Variants in ADA observed in about 807,000 individuals in gnomAD.
The protein encoded by ADA is adenosine aminohydrolase.
ADA carries 45 observed loss-of-function variants against 49.0 expected under a neutral mutation model. The ratio of observed to expected loss-of-function variants is 0.92; its 90% CI spans 0.72 to 1.18. ADA has a LOEUF of 1.18. ADA is among the 50% of genes most tolerant of loss of function. The probability of loss-of-function intolerance (pLI) is 0.00; values close to 1 mark genes in which losing one functional copy is unlikely to be tolerated. For missense variants in ADA, 445 were observed against 472.5 expected (o/e 0.94, Z 0.54); for synonymous variants, 173 against 184.2 (o/e 0.94, Z 0.49).
intron 1 of ADA, among the ~76,000 whole-genome samples, chr20:44,644,819 C>G (rs560353131): frequency 6.6e-6 from 1 of 152,222 alleles, no homozygotes; most frequent in Non-Finnish European, 1.5e-5. Flanking sequence ...CTCCTGCTGA[C>G]GGGGCCTGAC....
intron 1 of ADA, among the ~76,000 whole-genome samples, chr20:44,639,690 G>C (rs1264906069): frequency 1.3e-5 from 2 of 152,142 alleles, no homozygotes; most frequent in Non-Finnish European, 2.9e-5. Context: ...TGGGGTTACA[G>C]GTGTGAACCA....
At chr20:44,623,991 C>T (rs2065357968) in intron 6 of ADA, 2 of 621,350 alleles carry the variant, frequency 3.2e-6, no homozygotes, top group African/African-American at 1.8e-5. Context: ...AAGCAATCCT[C>T]CTGCCTCGCC....
At chr20:44,621,400 G>C (rs2065330324) in intron 9 of ADA, among the ~76,000 whole-genome samples, 1 of 152,112 alleles carries the variant, frequency 6.6e-6, no homozygotes, top group African/African-American at 2.4e-5. Flanking sequence ...CCAGACATGG[G>C]AACCAGGCAG....
In ADA at chr20:44,629,093, G is replaced by C; in HGVS notation, c.172C>G (p.Leu58Val). Reference sequence around the variant, plus strand: ...TCAAACTTGGCCAGGAAGTCTGGAAGGGTGAGCGGCTTGTCCATGCCAATG... The same window carrying C: ...TCAAACTTGGCCAGGAAGTCTGGAACGGTGAGCGGCTTGTCCATGCCAATG... ...NVIGMDKPLT[L>V]PDFLAKFDYY... The change falls in exon 3 of 12, where the codon CTT becomes GTT. Residue 58 changes from leucine (L) to valine (V), a missense_variant. Coordinates refer to ENST00000372874, the MANE Select transcript of ADA (RefSeq NM_000022.4). The C allele has an allele frequency of 6.2e-7, 1 of 1,614,234 alleles. No homozygotes were observed.
chr20:44,620,954 C>G, intron 10 of ADA, 64 bp downstream of exon 10: 3 of 1,609,816 alleles, frequency 1.9e-6, no homozygotes, highest in Admixed American at 1.7e-5. Flanking sequence ...AGGCCCCGGA[C>G]TGGACCTGTA....
intron 2 of ADA, among the ~76,000 whole-genome samples, chr20:44,630,693 G>A (rs1716937178): frequency 6.6e-6 from 1 of 152,194 alleles, no homozygotes. Flanking sequence ...ATTAAATCAG[G>A]AGGTCCAAGC....
chr20:44,636,425 T>C lies in ADA; in HGVS notation c.34-137A>G, dbSNP rs76614082. Reference sequence around the variant, plus strand: ...AGCCACCATTTTACTGGCTGGCTGCTGACCCCATATACTTCGGTAAACTCT... The same window carrying C: ...AGCCACCATTTTACTGGCTGGCTGCCGACCCCATATACTTCGGTAAACTCT... On this transcript the variant is annotated intron_variant, in intron 1 of 11. Transcript: ENST00000372874. 4,346 of 740,654 alleles carry C rather than the reference T, an allele frequency of 5.9e-3. 132 individuals are homozygous for C. The East Asian group carries it at 0.067, about 11-fold the overall frequency. 45.9% of individuals were successfully genotyped at this position (740,654 alleles called of 1,614,324 possible).
Position 44,620,309 on chromosome 20 carries a change from T to C in ADA, c.1068A>G (p.Ser356=). The change falls in exon 11 of 12, where the codon TCA becomes TCG. Residue 356 remains serine, a synonymous_variant. Transcript: ENST00000372874. ...CAGACAGGAACCTACCTGCAGAGGC[T>C]GAAGGTGGCATCCCATAGGCTTTAT... ...LLYKAYGMPP[S]ASAGQNL 1 of 1,614,102 alleles carries C rather than the reference T, an allele frequency of 6.2e-7. No homozygotes were observed. Among genetic ancestry groups the C allele is most frequent in the Non-Finnish European group, 8.5e-7 (1 of 1,179,988 alleles).
At chr20:44,629,221 G>A in intron 2 of ADA, 52 bp from the exon 3 acceptor site, 3 of 1,612,986 alleles carry the variant, frequency 1.9e-6, no homozygotes, top group East Asian at 2.2e-5. Context: ...ATCCAGGCAG[G>A]CCTGACAGGC....
chr20:44,620,928 T>A, intron 10 of ADA, 90 bp downstream of exon 10: 1 of 1,575,678 alleles, frequency 6.3e-7, no homozygotes, highest in Non-Finnish European at 8.7e-7. Flanking sequence ...ACTCACTCCC[T>A]CTCTCCAAAG....
intron 3 of ADA, among the ~76,000 whole-genome samples, chr20:44,626,845 C>G (rs1382591050): frequency 1.3e-5 from 2 of 152,192 alleles, no homozygotes; most frequent in African/African-American, 2.4e-5. Flanking sequence ...GCCTCCCTGT[C>G]TCCATGCTTG....
In ADA at chr20:44,619,703, T is replaced by G; in HGVS notation, c.*131A>C. On this transcript the variant is annotated 3_prime_UTR_variant, in exon 12 of 12. Transcript: ENST00000372874. Reference sequence around the variant, plus strand: ...ATACGTGTGTGCAGAAATGGACACATAGGGTTCAGGAGCATCAGTAACTGA... The same window carrying G: ...ATACGTGTGTGCAGAAATGGACACAGAGGGTTCAGGAGCATCAGTAACTGA... 1 of 1,230,516 alleles carries G rather than the reference T, an allele frequency of 8.1e-7. No homozygotes were observed. The highest frequency in any genetic ancestry group is 1.2e-5 in the South Asian group (1 of 81,502). 76.2% of individuals were successfully genotyped at this position (1,230,516 alleles called of 1,614,324 possible). A position where few individuals can be genotyped will look rare whatever the true frequency, so the allele number is the denominator to read the frequency against.
chr20:44,636,227 C>G lies in ADA; in HGVS notation c.95G>C (p.Arg32Thr). The G allele has an allele frequency of 1.9e-6, 3 of 1,609,810 alleles. No homozygotes were observed. The highest frequency in any genetic ancestry group is 1.1e-5 in the South Asian group (1 of 90,176). ...AGAGGGCTCTTCTGTATGGACTTAC[C>G]TGCCATAGTATAAGATGGTTTCAGG... ...IKPETILYYGRRRGIALPANT... is the reference protein window; with the variant it reads ...IKPETILYYGTRRGIALPANT... The change falls in exon 2 of 12, where the codon AGG (arginine) becomes ACG (threonine). Residue 32 changes from arginine to threonine, a missense_variant and splice_region_variant. Coordinates refer to ENST00000372874, the MANE Select transcript of ADA (RefSeq NM_000022.4).
chr20:44,631,586 C>G (rs1261133432), intron 2 of ADA, among the ~76,000 whole-genome samples: 1 of 152,156 alleles, frequency 6.6e-6, no homozygotes, highest in East Asian at 1.9e-4. Flanking sequence ...GCCACATTTG[C>G]CTGGGACCTG....
chr20:44,623,442 TCTC>T (rs1313531554), intron 6 of ADA, among the ~76,000 whole-genome samples: 1 of 152,138 alleles, frequency 6.6e-6, no homozygotes, highest in East Asian at 1.9e-4. Flanking sequence ...AGCCCTGACT[TCTC>T]CACCATGCTG....
intron 1 of ADA, among the ~76,000 whole-genome samples, chr20:44,651,349 G>A (rs1376801476): frequency 1.3e-5 from 2 of 152,246 alleles, no homozygotes; most frequent in African/African-American, 4.8e-5. Context: ...GAGGGGTCAA[G>A]TCAGGGGCAG....
At chr20:44,637,129 G>A (rs2065488202) in intron 1 of ADA, among the ~76,000 whole-genome samples, 1 of 152,048 alleles carries the variant, frequency 6.6e-6, no homozygotes, top group African/African-American at 2.4e-5. Context: ...AAAAGCAGAT[G>A]CTACTCAAGC....
intron 1 of ADA, among the ~76,000 whole-genome samples, chr20:44,640,666 CAA>C (rs35863085): frequency 0.039 from 5,353 of 136,128 alleles, 94 homozygotes; most frequent in African/African-American, 0.042. Context: ...AACTCCACCT[CAA>C]AAAAAAAAAA....
In ADA at chr20:44,623,062, C is replaced by T; in HGVS notation, c.623G>A (p.Gly208Asp). The T allele has an allele frequency of 6.2e-7, 1 of 1,614,044 alleles. No homozygotes were observed. The highest frequency in any genetic ancestry group is 1.1e-5 in the South Asian group (1 of 91,072). ...CCCGGCGTGGACAGTACGGTGAATG[C>T]CGCTCTTCACAGCCTCCTGGAAGGG... ...VQAYQEAVKS[G>D]IHRTVHAGEV... Residue 208 changes from glycine to aspartate, a missense_variant, in exon 7 of 12, where the codon GGC becomes GAC. By Grantham distance (94) the Gly-to-Asp change is moderately conservative. Transcript: ENST00000372874.
Sources: gnomAD v4.1 joint callset for allele counts (sites outside exome capture counted in the v4.1 genomes callset) on GRCh38, gnomAD v4.1.1 for gene constraint, MANE v1.5 for transcripts, NCBI Gene and HGNC (gene_info 2026-07-23, HGNC 2026-07-21) for gene names.